Variants in RAD18 observed in about 807,000 individuals in gnomAD.
RAD18 encodes the protein E3 ubiquitin-protein ligase RAD18.
Under a neutral mutation model 60.4 loss-of-function variants are expected in RAD18, and 47 were observed. That is an observed-to-expected ratio of 0.78 (90% confidence interval 0.62 to 0.99). RAD18 has a LOEUF of 0.99. RAD18 is among the 50% of genes least tolerant of loss of function. The pLI is 0.00. For synonymous variants in RAD18, 225 were observed against 195.5 expected (o/e 1.15, Z -1.26); for missense variants, 640 against 593.3 (o/e 1.08, Z -0.82).
chr3:8,906,643 C>G (rs149394405), intron 9 of RAD18, among the ~76,000 whole-genome samples: 1 of 152,016 alleles, frequency 6.6e-6, no homozygotes, highest in East Asian at 1.9e-4. Context: ...CAGTCCTGTG[C>G]TACCTGTTTC....
chr3:8,938,144 T>C lies in RAD18; in HGVS notation c.704+1410A>G, dbSNP rs182648454. 5.6e-4 allele frequency among the ~76,000 whole-genome samples: 85 copies of C among 152,286 alleles called. No individual in the cohort carries two copies. The South Asian group carries it at 6.4e-3, about 12-fold the overall frequency. On this transcript the variant is annotated intron_variant, in intron 6 of 12. Transcript: ENST00000264926. ...GGAAATAATCCTTAGGACTATTCAT[T>C]TACTCCAAATCACCACTAAGCAACC...
chr3:8,927,708 T>C (rs1223001806), intron 7 of RAD18, among the ~76,000 whole-genome samples: 4 of 152,124 alleles, frequency 2.6e-5, no homozygotes, highest in African/African-American at 7.2e-5. Flanking sequence ...GGCACGTATA[T>C]ACCATGGAAT....
chr3:8,947,202 C>A lies in RAD18; in HGVS notation c.266+18G>T. On this transcript the variant is annotated intron_variant, in intron 4 of 12. Coordinates refer to ENST00000264926, the MANE Select transcript of RAD18 (RefSeq NM_020165.4). ...AAGGCAAAAGTAGTTAGAGGTTAGT[C>A]ACAAAATTAAATCATACCGTGCAAA... 2 of 1,568,396 alleles carry A rather than the reference C, an allele frequency of 1.3e-6. No homozygotes were observed. Among genetic ancestry groups the A allele is most frequent in the Non-Finnish European group, 1.8e-6 (2 of 1,140,488 alleles).
intron 2 of RAD18, among the ~76,000 whole-genome samples, chr3:8,949,160 G>A (rs1490784830): frequency 6.6e-6 from 1 of 152,126 alleles, no homozygotes; most frequent in Admixed American, 6.6e-5. Flanking sequence ...GCAGGAAATG[G>A]GCACAAACTA....
rs45507798 is a variant in RAD18, at chr3:8,934,888, GA to G, written c.889+982del. On this transcript the variant is annotated intron_variant, in intron 7 of 12. Coordinates refer to ENST00000264926, the MANE Select transcript of RAD18 (RefSeq NM_020165.4). ...TGGAATACCATATAGCAACAAAAAT[GA>G]AAAAAACATGACCATATAAAAAAAC... Among the ~76,000 whole-genome samples the G allele has an allele frequency of 1.9e-3, 289 of 152,042 alleles. 2 individuals are homozygous for G. Among genetic ancestry groups the G allele is most frequent in the African/African-American group, 6.3e-3 (263 of 41,464 alleles).
chr3:8,936,730 C>T (rs1940659829), intron 6 of RAD18, among the ~76,000 whole-genome samples: 1 of 152,174 alleles, frequency 6.6e-6, no homozygotes, highest in African/African-American at 2.4e-5. Flanking sequence ...ATATAACTAG[C>T]TCACACAAGG....
rs146380683 is a variant in RAD18 at position 8,896,774 on chromosome 3, C to T, written c.1322+2120G>A. 1.9e-3 allele frequency among the ~76,000 whole-genome samples: 291 copies of T among 152,228 alleles called. 2 individuals carry two copies. Among genetic ancestry groups the T allele is most frequent in the African/African-American group, 6.3e-3 (262 of 41,524 alleles). On this transcript the variant is annotated intron_variant, in intron 11 of 12. Coordinates refer to ENST00000264926, the MANE Select transcript of RAD18 (RefSeq NM_020165.4). ...GACGCAGGGTGGCTGAAACCCATGG[C>T]GGCATCATCTCTTTATCCTGGCATG...
At chr3:8,924,173 C>T (rs1428975313) in intron 7 of RAD18, among the ~76,000 whole-genome samples, 4 of 152,100 alleles carry the variant, frequency 2.6e-5, no homozygotes, top group Non-Finnish European at 4.4e-5. Flanking sequence ...ACTCATCTCA[C>T]ATGCAGAGAC....
chr3:8,917,316 C>T (rs1940221128), intron 7 of RAD18, among the ~76,000 whole-genome samples: 1 of 152,078 alleles, frequency 6.6e-6, no homozygotes, highest in South Asian at 2.1e-4. Flanking sequence ...ACAAGTTCTT[C>T]AATTAGAAGA....
At chr3:8,890,331 T>C (rs1304493593) in intron 12 of RAD18, 58 bp downstream of exon 12, 4 of 1,326,860 alleles carry the variant, frequency 3.0e-6, no homozygotes, top group Non-Finnish European at 4.3e-6. Context: ...ATCAGCTGCA[T>C]AGAAGTATAA....
chr3:8,951,095 T>C (rs1476734349), intron 2 of RAD18, among the ~76,000 whole-genome samples: 1 of 152,132 alleles, frequency 6.6e-6, no homozygotes, highest in East Asian at 1.9e-4. Context: ...GAAGAAATAA[T>C]AATGGCTAAG....
chr3:8,934,666 T>C (rs879755878), intron 7 of RAD18, among the ~76,000 whole-genome samples: 6 of 152,186 alleles, frequency 3.9e-5, no homozygotes, highest in Non-Finnish European at 5.9e-5. Flanking sequence ...TGGGGCTGTA[T>C]CCATGAAAGC....
At chr3:8,959,560 C>T (rs777377929) in intron 1 of RAD18, among the ~76,000 whole-genome samples, 2 of 152,162 alleles carry the variant, frequency 1.3e-5, no homozygotes, top group African/African-American at 4.8e-5. Context: ...CCAGTGCTTT[C>T]GGCATGGTAC....
chr3:8,947,129 G>T, intron 4 of RAD18, 91 bp downstream of exon 4: 1 of 959,972 alleles, frequency 1.0e-6, no homozygotes, highest in Non-Finnish European at 1.6e-6. Context: ...ATGCAACCCT[G>T]CATTCCCTAA....
At chr3:8,894,435 T>C (rs1939750094) in intron 11 of RAD18, among the ~76,000 whole-genome samples, 1 of 152,230 alleles carries the variant, frequency 6.6e-6, no homozygotes, top group African/African-American at 2.4e-5. Flanking sequence ...ATTTGCTTTG[T>C]AGACTCATCC....
At chr3:8,897,735 C>T (rs1167347320) in intron 11 of RAD18, among the ~76,000 whole-genome samples, 1 of 152,116 alleles carries the variant, frequency 6.6e-6, no homozygotes, top group African/African-American at 2.4e-5. Flanking sequence ...TAAATCAGTA[C>T]AATTCATTCA....
At chr3:8,931,887 T>C (rs1940565593) in intron 7 of RAD18, among the ~76,000 whole-genome samples, 1 of 152,216 alleles carries the variant, frequency 6.6e-6, no homozygotes, top group African/African-American at 2.4e-5. Context: ...GCAAAGTAAT[T>C]CAATGGGGAA....
chr3:8,899,150 G>C, intron 10 of RAD18, 103 bp from the exon 11 acceptor site: 1 of 871,198 alleles, frequency 1.1e-6, no homozygotes, highest in Non-Finnish European at 1.7e-6. Context: ...TAAAGTTGAA[G>C]TATATGTCAC....
At chr3:8,899,873 A>T (rs1939871104) in intron 10 of RAD18, among the ~76,000 whole-genome samples, 1 of 152,188 alleles carries the variant, frequency 6.6e-6, no homozygotes, top group South Asian at 2.1e-4. Context: ...TAATAATACT[A>T]CAGAGCTCCT....
Sources: gnomAD v4.1 joint callset for allele counts (sites outside exome capture counted in the v4.1 genomes callset) on GRCh38, gnomAD v4.1.1 for gene constraint, MANE v1.5 for transcripts, NCBI Gene and HGNC (gene_info 2026-07-23, HGNC 2026-07-21) for gene names.